The following VPS50 variants were observed in gnomAD, a reference collection of about 807,000 sequenced individuals.
VPS50 encodes the protein VPS50 subunit of EARP/GARPII complex.
A neutral mutation model predicts 139.7 loss-of-function variants in VPS50; 70 were observed. That is an observed-to-expected ratio of 0.50 (90% CI 0.41 to 0.61). The LOEUF (loss-of-function observed/expected upper bound fraction) is 0.61, where lower values mean the gene tolerates loss of function less well. Ranked by LOEUF, VPS50 falls within the 20% of genes least tolerant of loss-of-function variation. The probability of loss-of-function intolerance (pLI) is 0.00; values close to 1 mark genes in which losing one functional copy is unlikely to be tolerated. For missense variants in VPS50, 921 were observed against 1,133.7 expected (o/e 0.81, Z 2.69); for synonymous variants, 365 against 376.7 (o/e 0.97, Z 0.36).
At chr7:93,294,787 G>C (rs1228915939) in intron 14 of VPS50, 151 bp downstream of exon 14, 28 of 635,550 alleles carry the variant, frequency 4.4e-5, no homozygotes, top group Middle Eastern at 3.1e-4. Flanking sequence ...TTTAATTTCT[G>C]TAATGTATTT....
chr7:93,313,859 T>C (rs1486400535), intron 20 of VPS50, among the ~76,000 whole-genome samples: 4 of 152,232 alleles, frequency 2.6e-5, no homozygotes, highest in Non-Finnish European at 5.9e-5. Context: ...CCATATCTTT[T>C]ACTGGACTTG....
chr7:93,354,958 A>G (rs1037976317), intron 26 of VPS50, among the ~76,000 whole-genome samples: 2 of 152,188 alleles, frequency 1.3e-5, no homozygotes, highest in Non-Finnish European at 2.9e-5. Context: ...GATGACAGTG[A>G]CAAGCTGACA....
rs1798793404 is a variant in VPS50 at position 93,359,589 on chromosome 7, A to G, written c.*1153A>G. On this transcript the variant is annotated 3_prime_UTR_variant, in exon 28 of 28. Coordinates refer to ENST00000305866, the MANE Select transcript of VPS50 (RefSeq NM_017667.4). ...TGTGTTCTTTCTGACTGGAGAGTGG[A>G]GGACATCTAAGCTTGTGTGGCATTG... 1 of 152,112 alleles carries G rather than the reference A, an allele frequency of 6.6e-6. No individual in the cohort carries two copies. The highest frequency in any genetic ancestry group is 1.5e-5 in the Non-Finnish European group (1 of 68,008). 9.4% of individuals were successfully genotyped at this position (152,112 alleles called of 1,614,324 possible).
intron 12 of VPS50, among the ~76,000 whole-genome samples, chr7:93,283,223 TTTC>T (rs1231687260): frequency 6.6e-6 from 1 of 151,188 alleles, no homozygotes. Context: ...CTTTTTTCTT[TTTC>T]TTTTCTTTTT....
At chr7:93,327,225 G>T (rs1248809171) in intron 21 of VPS50, among the ~76,000 whole-genome samples, 1 of 152,170 alleles carries the variant, frequency 6.6e-6, no homozygotes, top group Admixed American at 6.5e-5. Context: ...TTGAGCGCTT[G>T]AAATATGTAT....
chr7:93,355,540 G>A (rs73219928), intron 26 of VPS50, among the ~76,000 whole-genome samples: 6,378 of 152,222 alleles, frequency 0.042, 177 homozygotes, highest in African/African-American at 0.066. Flanking sequence ...TCAAAGCTTA[G>A]TTTTTATAAA....
At chr7:93,332,601 T>A (rs13223904) in intron 21 of VPS50, among the ~76,000 whole-genome samples, 75,520 of 152,056 alleles carry the variant, frequency 0.5, 20,994 homozygotes, top group African/African-American at 0.75. Flanking sequence ...TGAATTAGAA[T>A]ATCGATTTCT....
intron 6 of VPS50, chr7:93,257,892 C>T (rs1212484339): frequency 6.8e-6 from 2 of 295,732 alleles, no homozygotes; most frequent in East Asian, 1.3e-4. Flanking sequence ...TCAGTTTTTG[C>T]ACTGTGTTTT....
intron 9 of VPS50, among the ~76,000 whole-genome samples, chr7:93,264,782 C>T (rs1186644313): frequency 6.6e-6 from 1 of 152,204 alleles, no homozygotes; most frequent in Non-Finnish European, 1.5e-5. Context: ...CTTTCTTCCT[C>T]TAAGGTCAGG....
chr7:93,315,817 A>G (rs1278824760), intron 20 of VPS50, among the ~76,000 whole-genome samples: 1 of 150,706 alleles, frequency 6.6e-6, no homozygotes, highest in African/African-American at 2.4e-5. Flanking sequence ...TATTGCATTC[A>G]TTAGTTTTAG....
Position 93,296,033 on chromosome 7 carries a change from C to T in VPS50, c.1168-709C>T, listed in dbSNP as rs570994031. Among the ~76,000 whole-genome samples, 31 of 152,190 alleles carry T rather than the reference C, an allele frequency of 2.0e-4. No individual in the cohort carries two copies. In the South Asian group the frequency reaches 6.2e-3, roughly 31 times the overall value. On this transcript the variant is annotated intron_variant, in intron 14 of 27. Transcript: ENST00000305866. The stretch of plus-strand genomic sequence containing the variant: ...CAGCCACCATGCCCAGCTTGACCAT[C>T]TTTTATAGGATATGTTTTGAAAAAA...
intron 1 of VPS50, among the ~76,000 whole-genome samples, chr7:93,236,429 G>A (rs892394860): frequency 6.6e-6 from 1 of 152,208 alleles, no homozygotes; most frequent in Non-Finnish European, 1.5e-5. Context: ...AGACATAGTT[G>A]CTGGTTTCGT....
intron 2 of VPS50, among the ~76,000 whole-genome samples, chr7:93,243,928 A>G (rs1182601388): frequency 6.6e-6 from 1 of 151,872 alleles, no homozygotes; most frequent in African/African-American, 2.4e-5. Flanking sequence ...TGATACTAAT[A>G]TTGTTTTACG....
rs1181390266 is a variant in VPS50 at position 93,305,843 on chromosome 7, G to A, written c.1468G>A (p.Glu490Lys). The A allele has an allele frequency of 1.2e-6, 2 of 1,612,132 alleles. No individual in the cohort carries two copies. The highest frequency in any genetic ancestry group is 1.7e-6 in the Non-Finnish European group (2 of 1,178,550). The change falls in exon 18 of 28, where the codon GAA (glutamate) becomes AAA (lysine). Residue 490 changes from glutamate to lysine, a missense_variant. By Grantham distance (56) the Glu-to-Lys change is moderately conservative (BLOSUM62 1). Transcript: ENST00000305866. ...TAACATCTAGGAATTTAAATTCATG[G>A]AACAGTCTCGCTCCCCATCAGTTTC... ...ILQLHEFKFM[E>K]QSRSPSVSPS...
intron 21 of VPS50, among the ~76,000 whole-genome samples, chr7:93,329,453 C>T (rs369798088): frequency 2.0e-5 from 3 of 151,322 alleles, no homozygotes; most frequent in East Asian, 1.9e-4. Context: ...CAAACATGTT[C>T]GATTATATCA....
chr7:93,242,891 T>C (rs1795037334), intron 2 of VPS50, among the ~76,000 whole-genome samples: 1 of 151,904 alleles, frequency 6.6e-6, no homozygotes, highest in Non-Finnish European at 1.5e-5. Flanking sequence ...AAGTTTAAAA[T>C]GGTCAAATAT....
chr7:93,294,773 A>G (rs1471571154), intron 14 of VPS50, 137 bp downstream of exon 14: 22 of 671,672 alleles, frequency 3.3e-5, no homozygotes, highest in Non-Finnish European at 4.7e-5. Context: ...GAATTAGGCT[A>G]TCATTTAATT....
chr7:93,350,430 A>G (rs1322191523), intron 25 of VPS50, among the ~76,000 whole-genome samples: 1 of 152,152 alleles, frequency 6.6e-6, no homozygotes, highest in Non-Finnish European at 1.5e-5. Flanking sequence ...CTACTTTTGC[A>G]GTGTGTCATA....
chr7:93,311,299 T>G, intron 20 of VPS50, 27 bp downstream of exon 20: 1 of 875,032 alleles, frequency 1.1e-6, no homozygotes, highest in Non-Finnish European at 1.9e-6. Flanking sequence ...TTAAAAAAAA[T>G]TATAACAGTT....
Sources: allele counts gnomAD v4.1 joint callset (sites outside exome capture counted in the v4.1 genomes callset), GRCh38; gene constraint gnomAD v4.1.1; transcripts MANE v1.5; gene names NCBI Gene and HGNC (gene_info 2026-07-23, HGNC 2026-07-21).